VCL: variants seen among roughly 807,000 people sequenced by gnomAD.
VCL encodes epididymis luminal protein 114.
Under a neutral mutation model 125.7 loss-of-function variants are expected in VCL, and 47 were observed. The ratio of observed to expected loss-of-function variants is 0.37; its 90% CI spans 0.30 to 0.48. The LOEUF is 0.48. Among genes scored for constraint, VCL ranks in the 20% least tolerant of loss-of-function variants. VCL has a pLI of 0.99. For missense variants in VCL, 1,069 were observed against 1,455.5 expected (o/e 0.73, Z 4.32); for synonymous variants, 458 against 514.6 (o/e 0.89, Z 1.49).
rs113129738 is a variant in VCL, at chr10:74,015,984, C to T, written c.168+17609C>T. On this transcript the variant is annotated intron_variant, in intron 1 of 21. Transcript: ENST00000211998. ...ATAGGCATGAGCCACTACGCTCAGCCTTTTTTCTTTTTATTTATTTGCTTT... is the reference window on the plus strand; with the variant it reads ...ATAGGCATGAGCCACTACGCTCAGCTTTTTTTCTTTTTATTTATTTGCTTT... Among the ~76,000 whole-genome samples, 50 of 152,214 alleles carry T rather than the reference C, an allele frequency of 3.3e-4. 3 individuals carry two copies. The highest frequency in any genetic ancestry group is 1.1e-3 in the African/African-American group (47 of 41,534).
intron 17 of VCL, among the ~76,000 whole-genome samples, chr10:74,108,489 T>G (rs1308682579): frequency 6.6e-6 from 1 of 151,966 alleles, no homozygotes; most frequent in Non-Finnish European, 1.5e-5. Flanking sequence ...TTTCTTTTTT[T>G]CTTGTTTTGA....
chr10:74,107,453 C>CTTCGT, intron 17 of VCL, 99 bp downstream of exon 17: 1 of 1,580,832 alleles, frequency 6.3e-7, no homozygotes, highest in South Asian at 1.1e-5. Flanking sequence ...CACTAGGTGG[C>CTTCGT]TTCGTTTAGC....
At chr10:74,090,860 G>A (rs1304968902) in intron 10 of VCL, among the ~76,000 whole-genome samples, 1 of 151,762 alleles carries the variant, frequency 6.6e-6, no homozygotes, top group Non-Finnish European at 1.5e-5. Context: ...GAGTGCAGCG[G>A]CATGACTATG....
chr10:74,117,973 A>G (rs190812782), intron 21 of VCL, 50 bp from the exon 22 acceptor site: 1 of 1,612,438 alleles, frequency 6.2e-7, no homozygotes. Flanking sequence ...TTTTAGAGAC[A>G]GGCCTGCATC....
chr10:74,001,714 CAT>C (rs1379036450), intron 1 of VCL, among the ~76,000 whole-genome samples: 1 of 152,088 alleles, frequency 6.6e-6, no homozygotes, highest in Non-Finnish European at 1.5e-5. Flanking sequence ...AGAAAAGAAA[CAT>C]AGTATTACGG....
chr10:74,052,583 C>T (rs1444259687), intron 2 of VCL, among the ~76,000 whole-genome samples: 1 of 151,864 alleles, frequency 6.6e-6, no homozygotes. Context: ...CACCATTTTG[C>T]CCAGGGTGGT....
intron 2 of VCL, among the ~76,000 whole-genome samples, chr10:74,052,735 G>T (rs1196301548): frequency 6.6e-6 from 1 of 150,910 alleles, no homozygotes. Context: ...GTAGTCTTCT[G>T]TAGTAAGACT....
At chr10:74,114,453 TGGAG>T in intron 20 of VCL, 66 bp downstream of exon 20, 2 of 1,522,046 alleles carry the variant, frequency 1.3e-6, no homozygotes, top group Middle Eastern at 2.2e-4. Context: ...GTGTGTGTGT[TGGAG>T]GGGAGGGTAT....
intron 1 of VCL, among the ~76,000 whole-genome samples, chr10:74,027,140 G>A (rs936230233): frequency 1.3e-5 from 2 of 152,196 alleles, no homozygotes; most frequent in Admixed American, 1.3e-4. Flanking sequence ...TTAGAGGGCA[G>A]TGAGGGAGAA....
chr10:74,120,538 G>A (rs1034195426), downstream of VCL: 2 of 152,264 alleles, frequency 1.3e-5, no homozygotes, highest in African/African-American at 4.8e-5. Context: ...CCTGCTGCAA[G>A]ACAGAGACTT....
chr10:74,030,398 A>G (rs1840853637), intron 1 of VCL, among the ~76,000 whole-genome samples: 1 of 152,188 alleles, frequency 6.6e-6, no homozygotes, highest in African/African-American at 2.4e-5. Flanking sequence ...TGGCCCATAC[A>G]CTGGCATTTT....
At chr10:74,020,499 C>T (rs1291341451) in intron 1 of VCL, among the ~76,000 whole-genome samples, 3 of 151,918 alleles carry the variant, frequency 2.0e-5, no homozygotes, top group African/African-American at 7.3e-5. Context: ...TTTTTAATGA[C>T]TCTGATATGT....
intron 21 of VCL, among the ~76,000 whole-genome samples, chr10:74,117,583 G>A (rs761290537): frequency 7.3e-5 from 11 of 151,362 alleles, no homozygotes; most frequent in Non-Finnish European, 1.6e-4. Context: ...AGCCCAGGGG[G>A]CAGAGGCTGC....
rs774113930 is a variant in VCL, at chr10:74,105,225, G to A, written c.2306G>A (p.Arg769Lys). ...RANRILLVAK[R>K]EVENSEDPKF... Reference sequence around the variant, plus strand: ...AACCGGATCCTGCTGGTGGCTAAGAGGGAGGTGGAGAATTCCGAGGATCCC... The same window carrying A: ...AACCGGATCCTGCTGGTGGCTAAGAAGGAGGTGGAGAATTCCGAGGATCCC... Residue 769 changes from arginine to lysine, a missense_variant, in exon 16 of 22, where the codon AGG (arginine) becomes AAG (lysine). Arg to Lys is a conservative substitution (Grantham distance 26, BLOSUM62 2). Coordinates refer to ENST00000211998, the MANE Select transcript of VCL (RefSeq NM_014000.3). 2.5e-6 allele frequency: 4 copies of A among 1,614,172 alleles called. No individual in the cohort carries two copies. The highest frequency in any genetic ancestry group is 3.4e-6 in the Non-Finnish European group (4 of 1,180,030).
Position 74,118,299 on chromosome 10 carries a change from TG to T in VCL, c.*135del. On this transcript the variant is annotated 3_prime_UTR_variant, in exon 22 of 22. Transcript: ENST00000211998. The stretch of plus-strand genomic sequence containing the variant: ...CCTGGCCTGGCACATCAGAAAGGAA[TG>T]GGGGCCTCTTCAAATTAGAAGACAT... 9.2e-7 allele frequency: 1 copy of T among 1,088,372 alleles called. No homozygotes were observed. The allele number at this position is 1,088,372 out of a possible 1,614,324, so 67.4% of individuals were successfully genotyped here.
intron 1 of VCL, among the ~76,000 whole-genome samples, chr10:74,014,919 G>A (rs563977193): frequency 1.3e-5 from 2 of 152,198 alleles, no homozygotes; most frequent in East Asian, 3.9e-4. Context: ...GAACTCCTGG[G>A]CTCAAGCGAT....
chr10:74,063,223 TTTCTC>T (rs1459566579), intron 2 of VCL, among the ~76,000 whole-genome samples: 1 of 152,184 alleles, frequency 6.6e-6, no homozygotes, highest in African/African-American at 2.4e-5. Context: ...ATGATTGACT[TTTCTC>T]TTCATTATTG....
At position 74,094,439 on chromosome 10, in the gene VCL, C is replaced by T. The variant is rs1564529609; in HGVS notation, c.1521C>T (p.Pro507=). 16 of 1,614,042 alleles carry T rather than the reference C, an allele frequency of 9.9e-6. No homozygotes were observed. Among genetic ancestry groups the T allele is most frequent in the Non-Finnish European group, 1.4e-5 (16 of 1,179,968 alleles). ...AAGCACAGCGGTGGATTGATAATCC[C>T]ACAGTGGATGACCGTGGAGTCGGTA... The part of the protein sequence containing the change: ...IEQAQRWIDN[P]TVDDRGVGQA... The change falls in exon 11 of 22, where the codon CCC becomes CCT. Residue 507 remains proline (P), a synonymous_variant. Coordinates refer to ENST00000211998, the MANE Select transcript of VCL (RefSeq NM_014000.3).
chr10:74,054,571 A>T (rs1469061751), intron 2 of VCL, among the ~76,000 whole-genome samples: 1 of 152,148 alleles, frequency 6.6e-6, no homozygotes. Flanking sequence ...ATTACATTCT[A>T]CTGTAGAACA....
Sources: allele counts gnomAD v4.1 joint callset (sites outside exome capture counted in the v4.1 genomes callset), GRCh38; gene constraint gnomAD v4.1.1; transcripts MANE v1.5; gene names NCBI Gene and HGNC (gene_info 2026-07-23, HGNC 2026-07-21).